Variants in SLC24A3 observed in about 807,000 individuals in gnomAD.
SLC24A3 encodes solute carrier family 24 member 3, also known as sodium/potassium/calcium exchanger 3.
SLC24A3 carries 28 observed loss-of-function variants against 75.8 expected under a neutral mutation model. That is an observed-to-expected ratio of 0.37 (90% CI 0.27 to 0.51). The LOEUF (loss-of-function observed/expected upper bound fraction) is 0.51, where lower values mean the gene tolerates loss of function less well. SLC24A3 is among the 20% of genes least tolerant of loss of function. The pLI, the probability that SLC24A3 is intolerant of heterozygous loss-of-function variation, is 0.94. For missense variants in SLC24A3, 663 were observed against 847.8 expected, an observed-to-expected ratio of 0.78 and a Z score of 2.71; for synonymous variants, 372 against 334.1, an observed-to-expected ratio of 1.11 and a Z score of -1.24.
At chr20:19,338,459 G>T (rs149793290) in intron 2 of SLC24A3, among the ~76,000 whole-genome samples, 9 of 152,318 alleles carry the variant, frequency 5.9e-5, no homozygotes, top group Admixed American at 3.3e-4. Flanking sequence ...CCCTGAGGCT[G>T]TGTCTGCAGA....
intron 6 of SLC24A3, among the ~76,000 whole-genome samples, chr20:19,628,219 A>AAG (rs1194859635): frequency 4.3e-4 from 65 of 150,870 alleles, no homozygotes; most frequent in African/African-American, 1.5e-3. Context: ...AAAAAAAAAA[A>AAG]AAAGAAAAAG....
intron 2 of SLC24A3, among the ~76,000 whole-genome samples, chr20:19,383,057 G>A (rs1328492943): frequency 6.6e-6 from 1 of 152,218 alleles, no homozygotes; most frequent in East Asian, 1.9e-4. Context: ...CGAAGTGCAA[G>A]TGGTAAAGTC....
At chr20:19,255,893 T>A (rs961188905) in intron 1 of SLC24A3, among the ~76,000 whole-genome samples, 1 of 152,072 alleles carries the variant, frequency 6.6e-6, no homozygotes, top group Non-Finnish European at 1.5e-5. Context: ...GCCAGAAGTT[T>A]GAGACATCCT....
At chr20:19,369,858 G>C (rs1267023153) in intron 2 of SLC24A3, among the ~76,000 whole-genome samples, 1 of 152,078 alleles carries the variant, frequency 6.6e-6, no homozygotes, top group African/African-American at 2.4e-5. Flanking sequence ...GTAGAGTTGA[G>C]AGTTTCACTA....
At chr20:19,599,024 G>C (rs955129048) in intron 6 of SLC24A3, among the ~76,000 whole-genome samples, 7 of 152,122 alleles carry the variant, frequency 4.6e-5, no homozygotes, top group African/African-American at 9.6e-5. Flanking sequence ...CAGTTGAGTC[G>C]ATGTGAAATT....
intron 13 of SLC24A3, chr20:19,693,692 C>A: frequency 2.7e-6 from 1 of 366,542 alleles, no homozygotes; most frequent in Non-Finnish European, 4.9e-6. Flanking sequence ...ATGTTTGATT[C>A]AGGCAGCAGG....
At chr20:19,630,579 C>T (rs910801261) in intron 6 of SLC24A3, among the ~76,000 whole-genome samples, 5 of 152,218 alleles carry the variant, frequency 3.3e-5, no homozygotes, top group Non-Finnish European at 7.3e-5. Context: ...CCAGACATAA[C>T]ATATAACTGA....
chr20:19,236,588 CA>C (rs559117579), intron 1 of SLC24A3, among the ~76,000 whole-genome samples: 3 of 151,462 alleles, frequency 2.0e-5, no homozygotes, highest in East Asian at 1.9e-4. Flanking sequence ...CGCAACTCTG[CA>C]AAAAAAATAT....
intron 7 of SLC24A3, among the ~76,000 whole-genome samples, chr20:19,662,651 C>A (rs553579866): frequency 6.6e-6 from 1 of 152,336 alleles, no homozygotes; most frequent in South Asian, 2.1e-4. Context: ...TTCAAGTTTT[C>A]TTCTACACTA....
chr20:19,252,938 G>C (rs933262356), intron 1 of SLC24A3, among the ~76,000 whole-genome samples: 8 of 152,136 alleles, frequency 5.3e-5, no homozygotes, highest in Non-Finnish European at 1.2e-4. Flanking sequence ...TACAGCTTTG[G>C]GTGCATTTAG....
chr20:19,467,116 C>T (rs1033810168), intron 2 of SLC24A3, among the ~76,000 whole-genome samples: 1 of 152,164 alleles, frequency 6.6e-6, no homozygotes, highest in East Asian at 1.9e-4. Flanking sequence ...TGAAAGATCA[C>T]TCTAGCTGTT....
intron 2 of SLC24A3, among the ~76,000 whole-genome samples, chr20:19,350,352 CCTATT>C (rs1985539540): frequency 6.6e-6 from 1 of 152,318 alleles, no homozygotes; most frequent in African/African-American, 2.4e-5. Context: ...TTCTGACTCT[CCTATT>C]CTTTCTTTTC....
At chr20:19,470,617 T>C (rs935685978) in intron 2 of SLC24A3, among the ~76,000 whole-genome samples, 1 of 152,010 alleles carries the variant, frequency 6.6e-6, no homozygotes, top group Non-Finnish European at 1.5e-5. Context: ...CACACACACA[T>C]AGACATGACT....
intron 2 of SLC24A3, among the ~76,000 whole-genome samples, chr20:19,314,301 AT>A (rs1194699746): frequency 6.8e-6 from 1 of 147,404 alleles, no homozygotes; most frequent in Non-Finnish European, 1.5e-5. Flanking sequence ...ATTTTATTTT[AT>A]TTTATTTTAT....
At chr20:19,261,694 T>G (rs908471433) in intron 1 of SLC24A3, 2 of 152,240 alleles carry the variant, frequency 1.3e-5, no homozygotes, top group Admixed American at 6.5e-5. Context: ...TGCTCATATA[T>G]GGAACAGTCC....
At chr20:19,335,898 T>C (rs1049221053) in intron 2 of SLC24A3, among the ~76,000 whole-genome samples, 5 of 152,206 alleles carry the variant, frequency 3.3e-5, no homozygotes, top group African/African-American at 1.2e-4. Context: ...TTCTCCCTTA[T>C]TTTGCCCAAG....
chr20:19,242,422 TTGGGTTG>T (rs1288760872), intron 1 of SLC24A3: 1 of 152,156 alleles, frequency 6.6e-6, no homozygotes, highest in Non-Finnish European at 1.5e-5. Context: ...CGATAGAGGT[TTGGGTTG>T]TGGGAGGAAG....
chr20:19,403,005 T>A (rs1337937830), intron 2 of SLC24A3, among the ~76,000 whole-genome samples: 13 of 152,234 alleles, frequency 8.5e-5, no homozygotes, highest in Non-Finnish European at 1.6e-4. Context: ...GTAATTATAA[T>A]TAACCATGTG....
At chr20:19,682,053 G>T (rs2032621586) in intron 10 of SLC24A3, 62 bp downstream of exon 10, 1 of 1,555,318 alleles carries the variant, frequency 6.4e-7, no homozygotes, top group Non-Finnish European at 8.8e-7. Flanking sequence ...AGGAGTTCAA[G>T]ACCAGCCTGG....
Sources: gnomAD v4.1 joint callset for allele counts (sites outside exome capture counted in the v4.1 genomes callset) on GRCh38, gnomAD v4.1.1 for gene constraint, MANE v1.5 for transcripts, NCBI Gene and HGNC (gene_info 2026-07-23, HGNC 2026-07-21) for gene names.